The following HDAC9 variants were observed in gnomAD, a reference collection of about 807,000 sequenced individuals.
HDAC9 encodes MEF-2 interacting transcription repressor (MITR) protein.
In HDAC9, 41 loss-of-function variants were observed where a neutral mutation model predicts 139.4. The ratio of observed to expected loss-of-function variants is 0.29; its 90% CI spans 0.23 to 0.38. HDAC9 has a LOEUF of 0.38. HDAC9 is among the 10% of genes least tolerant of loss of function. HDAC9 has a pLI of 1.00. For synonymous variants in HDAC9, 517 were observed against 476.2 expected, an observed-to-expected ratio of 1.09 and a Z score of -1.12; for missense variants, 1,147 against 1,297.0, an observed-to-expected ratio of 0.88 and a Z score of 1.78.
At chr7:18,246,006 T>C (rs1444559607) in intron 2 of HDAC9, among the ~76,000 whole-genome samples, 2 of 151,630 alleles carry the variant, frequency 1.3e-5, no homozygotes, top group Non-Finnish European at 2.9e-5. Flanking sequence ...CAGGTGCTTA[T>C]CTGGGCACTT....
At chr7:18,303,280 C>A (rs1435028004) in intron 1 of HDAC9, among the ~76,000 whole-genome samples, 1 of 151,918 alleles carries the variant, frequency 6.6e-6, no homozygotes. Flanking sequence ...TTTAGTGGCG[C>A]GATCTCGGCT....
At chr7:18,918,957 T>G (rs1450915360) in intron 22 of HDAC9, among the ~76,000 whole-genome samples, 1 of 152,020 alleles carries the variant, frequency 6.6e-6, no homozygotes, top group Non-Finnish European at 1.5e-5. Context: ...TTTAGTAATA[T>G]TACATGTTTC....
chr7:18,457,155 C>T (rs990397335), intron 1 of HDAC9, among the ~76,000 whole-genome samples: 23 of 152,136 alleles, frequency 1.5e-4, no homozygotes, highest in African/African-American at 5.3e-4. Context: ...TCAGCATGTC[C>T]ATTTCTTAAC....
At chr7:18,365,847 A>T (rs1046659681) in intron 1 of HDAC9, among the ~76,000 whole-genome samples, 5 of 152,026 alleles carry the variant, frequency 3.3e-5, no homozygotes, top group Non-Finnish European at 5.9e-5. Flanking sequence ...ATAATAACTA[A>T]TAGTAATTTC....
intron 12 of HDAC9, among the ~76,000 whole-genome samples, chr7:18,707,124 G>A (rs983240756): frequency 6.6e-6 from 1 of 152,204 alleles, no homozygotes; most frequent in African/African-American, 2.4e-5. Context: ...AAGCCACAAA[G>A]AGAGGGAGGA....
intron 1 of HDAC9, among the ~76,000 whole-genome samples, chr7:18,311,093 GTGATGATGA>G (rs1554367397): frequency 1.2e-4 from 18 of 151,156 alleles, no homozygotes; most frequent in Admixed American, 6.6e-4. Flanking sequence ...CTGGAGAGAG[GTGATGATGA>G]TGATGATGAT....
At chr7:18,789,821 C>A (rs1389879991) in intron 16 of HDAC9, among the ~76,000 whole-genome samples, 5 of 152,100 alleles carry the variant, frequency 3.3e-5, no homozygotes, top group African/African-American at 1.2e-4. Flanking sequence ...TTGATGAACT[C>A]AACTGTTTTC....
At chr7:18,365,158 G>A (rs965808184) in intron 1 of HDAC9, among the ~76,000 whole-genome samples, 9 of 152,044 alleles carry the variant, frequency 5.9e-5, no homozygotes, top group African/African-American at 2.2e-4. Flanking sequence ...GGTGTCTTCA[G>A]GGCTGTTTGC....
chr7:18,803,836 G>T (rs913547910), intron 17 of HDAC9, among the ~76,000 whole-genome samples: 1 of 152,032 alleles, frequency 6.6e-6, no homozygotes, highest in Non-Finnish European at 1.5e-5. Flanking sequence ...GTGATATTTT[G>T]TGATATATCC....
At chr7:18,451,549 T>C (rs780503314) in intron 1 of HDAC9, among the ~76,000 whole-genome samples, 32 of 151,830 alleles carry the variant, frequency 2.1e-4, no homozygotes, top group Non-Finnish European at 4.4e-4. Context: ...GAGTAGAAAT[T>C]ATACAGTACA....
At chr7:18,783,681 C>CTTTTT (rs1791447216) in intron 16 of HDAC9, among the ~76,000 whole-genome samples, 1 of 142,646 alleles carries the variant, frequency 7.0e-6, no homozygotes, top group African/African-American at 2.6e-5. Context: ...TTTTTTTTGC[C>CTTTTT]TTTCCCGCTT....
chr7:18,688,159 C>T (rs573563843), intron 12 of HDAC9, among the ~76,000 whole-genome samples: 64 of 151,794 alleles, frequency 4.2e-4, no homozygotes, highest in South Asian at 1.9e-3. Flanking sequence ...GTTTGTTCTA[C>T]TCCATTACTC....
chr7:18,904,640 C>T (rs1463305518), intron 22 of HDAC9, among the ~76,000 whole-genome samples: 4 of 135,736 alleles, frequency 2.9e-5, no homozygotes, highest in Admixed American at 8.2e-5. Flanking sequence ...TGCAGTGACG[C>T]GATCCGCTCA....
intron 1 of HDAC9, among the ~76,000 whole-genome samples, chr7:18,445,314 G>T (rs1276012267): frequency 6.6e-6 from 1 of 151,962 alleles, no homozygotes. Flanking sequence ...CTTTTTTGAT[G>T]ACTATAGTTT....
At chr7:18,313,797 A>G (rs1303550533) in intron 1 of HDAC9, among the ~76,000 whole-genome samples, 1 of 152,218 alleles carries the variant, frequency 6.6e-6, no homozygotes, top group African/African-American at 2.4e-5. Context: ...TCTACTTAAT[A>G]CACTGCCTCA....
intron 8 of HDAC9, among the ~76,000 whole-genome samples, chr7:18,642,316 C>T (rs1016688277): frequency 8.5e-5 from 13 of 152,094 alleles, no homozygotes; most frequent in Non-Finnish European, 1.5e-4. Context: ...AGCTTCAGAG[C>T]CTGAGTTTGC....
chr7:18,233,267 C>G (rs567784246), intron 2 of HDAC9, among the ~76,000 whole-genome samples: 1 of 151,976 alleles, frequency 6.6e-6, no homozygotes, highest in Admixed American at 6.6e-5. Context: ...TGCTTCTTGG[C>G]ATCAAGCAAT....
chr7:18,524,631 G>A (rs998631393), intron 2 of HDAC9, among the ~76,000 whole-genome samples: 1 of 152,040 alleles, frequency 6.6e-6, no homozygotes, highest in Non-Finnish European at 1.5e-5. Flanking sequence ...TATGTTTGGG[G>A]CAAAGGAAGA....
intron 17 of HDAC9, among the ~76,000 whole-genome samples, chr7:18,801,491 CTAA>C (rs1297730275): frequency 1.3e-5 from 2 of 151,932 alleles, no homozygotes; most frequent in African/African-American, 4.8e-5. Context: ...ATTTGGTTTG[CTAA>C]TAATATTTTG....
Sources: allele counts gnomAD v4.1 joint callset (sites outside exome capture counted in the v4.1 genomes callset), GRCh38; gene constraint gnomAD v4.1.1; transcripts MANE v1.5; gene names NCBI Gene and HGNC (gene_info 2026-07-23, HGNC 2026-07-21).